LRP1B: variants seen among roughly 807,000 people sequenced by gnomAD.
LRP1B encodes the protein low-density lipoprotein receptor-related protein 1B.
LRP1B carries 217 observed loss-of-function variants against 556.6 expected under a neutral mutation model. The observed-to-expected ratio is 0.39, with a 90% CI of 0.35 to 0.44. The LOEUF (loss-of-function observed/expected upper bound fraction) is 0.44, where lower values mean the gene tolerates loss of function less well. Among genes scored for constraint, LRP1B ranks in the 20% least tolerant of loss-of-function variants. LRP1B has a pLI of 1.00. For synonymous variants in LRP1B, 2,047 were observed against 1,865.8 expected (o/e 1.10, Z -2.50); for missense variants, 5,053 against 5,620.8 (o/e 0.90, Z 3.23).
At chr2:140,856,886 T>C (rs987845321) in intron 27 of LRP1B, among the ~76,000 whole-genome samples, 3 of 152,108 alleles carry the variant, frequency 2.0e-5, no homozygotes, top group Non-Finnish European at 1.5e-5. Context: ...TATTCTAAAA[T>C]TGCAGCAATC....
chr2:140,898,854 T>A (rs1440202640), intron 23 of LRP1B: 2 of 463,062 alleles, frequency 4.3e-6, no homozygotes, highest in South Asian at 3.2e-5. Context: ...AGATCTGAAG[T>A]ATACCTGACA....
intron 27 of LRP1B, among the ~76,000 whole-genome samples, chr2:140,866,865 G>T (rs1395284816): frequency 6.6e-6 from 1 of 152,166 alleles, no homozygotes; most frequent in South Asian, 2.1e-4. Flanking sequence ...TAGAAGGTCT[G>T]CTTATTCCAC....
intron 41 of LRP1B, among the ~76,000 whole-genome samples, chr2:140,643,373 C>T (rs561386006): frequency 6.6e-6 from 1 of 152,166 alleles, no homozygotes; most frequent in East Asian, 1.9e-4. Flanking sequence ...GTATTGATCA[C>T]TGCCTCTTCA....
chr2:140,367,154 A>C (rs1682798586), intron 71 of LRP1B, among the ~76,000 whole-genome samples: 1 of 151,712 alleles, frequency 6.6e-6, no homozygotes, highest in Non-Finnish European at 1.5e-5. Context: ...TTCTTTAAAG[A>C]AGAAGGTGAA....
chr2:140,659,688 T>C (rs1355865336), intron 41 of LRP1B, among the ~76,000 whole-genome samples: 1 of 152,070 alleles, frequency 6.6e-6, no homozygotes, highest in Non-Finnish European at 1.5e-5. Context: ...GGAAGAAACT[T>C]GAACTCTCAC....
chr2:141,465,538 C>A (rs112316649), intron 3 of LRP1B, among the ~76,000 whole-genome samples: 8,408 of 102,958 alleles, frequency 0.082, 294 homozygotes, highest in Non-Finnish European at 0.092. Flanking sequence ...TACAGCACAG[C>A]ATGACTTTTT....
intron 1 of LRP1B, among the ~76,000 whole-genome samples, chr2:142,015,322 C>T (rs780329828): frequency 2.0e-5 from 3 of 152,062 alleles, no homozygotes; most frequent in Non-Finnish European, 4.4e-5. Context: ...TAGCGATATG[C>T]AGAAAACTGA....
intron 3 of LRP1B, among the ~76,000 whole-genome samples, chr2:141,397,113 CA>C (rs5834824): frequency 0.28 from 11,636 of 41,504 alleles, 818 homozygotes; most frequent in East Asian, 0.5. Flanking sequence ...AACTTTGTCT[CA>C]AAAAAAAAAA....
intron 20 of LRP1B, among the ~76,000 whole-genome samples, chr2:140,940,127 C>T (rs529555450): frequency 1.8e-4 from 28 of 152,076 alleles, no homozygotes; most frequent in African/African-American, 6.5e-4. Context: ...TCAAGTGATC[C>T]GTCTGCTTCA....
At chr2:140,926,235 A>G (rs1694882376) in intron 20 of LRP1B, among the ~76,000 whole-genome samples, 1 of 152,128 alleles carries the variant, frequency 6.6e-6, no homozygotes, top group South Asian at 2.1e-4. Context: ...CGATTCTCTA[A>G]TAATGCACAT....
chr2:141,869,784 A>AAAAT (rs1698524198), intron 1 of LRP1B, among the ~76,000 whole-genome samples: 1 of 152,130 alleles, frequency 6.6e-6, no homozygotes, highest in Non-Finnish European at 1.5e-5. Context: ...TGCCAGGGAT[A>AAAAT]AAATATGTGT....
chr2:141,599,066 C>CCCCCCCCG (rs1687638912), intron 2 of LRP1B, among the ~76,000 whole-genome samples: 6 of 78,708 alleles, frequency 7.6e-5, no homozygotes, highest in East Asian at 4.3e-4. Context: ...CCCCCCCCCC[C>CCCCCCCCG]CCCCCCCCGC....
chr2:141,540,204 CACAATTAAA>C (rs1241442210), intron 2 of LRP1B, among the ~76,000 whole-genome samples: 1 of 151,866 alleles, frequency 6.6e-6, no homozygotes, highest in Non-Finnish European at 1.5e-5. Flanking sequence ...CCTAAAGTCA[CACAATTAAA>C]ACCTACTTCA....
At chr2:140,291,548 A>G (rs2104987821) in intron 84 of LRP1B, among the ~76,000 whole-genome samples, 1 of 151,614 alleles carries the variant, frequency 6.6e-6, no homozygotes, top group South Asian at 2.1e-4. Flanking sequence ...CCCATGACTG[A>G]GAACATGCAG....
chr2:141,043,054 T>G (rs891290201), intron 11 of LRP1B, among the ~76,000 whole-genome samples: 4 of 79,218 alleles, frequency 5.0e-5, no homozygotes, highest in Non-Finnish European at 1.3e-4. Context: ...AAAAAAAAAA[T>G]TAGCTGAGCA....
chr2:140,427,889 G>C (rs180884377), intron 66 of LRP1B, among the ~76,000 whole-genome samples: 5 of 151,930 alleles, frequency 3.3e-5, no homozygotes, highest in Admixed American at 6.6e-5. Flanking sequence ...TCCTCACACG[G>C]GGTCCGGCTT....
At chr2:141,319,653 G>A (rs916187859) in intron 3 of LRP1B, among the ~76,000 whole-genome samples, 1 of 152,056 alleles carries the variant, frequency 6.6e-6, no homozygotes, top group Non-Finnish European at 1.5e-5. Flanking sequence ...TGACTTTGGG[G>A]ATTAGCCAAA....
chr2:140,751,155 G>A (rs1158339749), intron 35 of LRP1B, among the ~76,000 whole-genome samples: 1 of 151,894 alleles, frequency 6.6e-6, no homozygotes, highest in Non-Finnish European at 1.5e-5. Context: ...ATCATGCCTG[G>A]CTAATTTTTG....
At chr2:141,098,086 C>A (rs930170656) in intron 7 of LRP1B, among the ~76,000 whole-genome samples, 1 of 152,054 alleles carries the variant, frequency 6.6e-6, no homozygotes, top group African/African-American at 2.4e-5. Context: ...TCATATGATT[C>A]TTGTGAAAAT....
Sources: allele counts gnomAD v4.1 joint callset (sites outside exome capture counted in the v4.1 genomes callset), GRCh38; gene constraint gnomAD v4.1.1; transcripts MANE v1.5; gene names NCBI Gene and HGNC (gene_info 2026-07-23, HGNC 2026-07-21).